The following ATP8A2 variants were observed in gnomAD, a reference collection of about 807,000 sequenced individuals.
ATP8A2 encodes ATPase phospholipid transporting 8A2.
In ATP8A2, 100 loss-of-function variants were observed where a neutral mutation model predicts 165.6. The ratio of observed to expected loss-of-function variants is 0.60; its 90% CI spans 0.51 to 0.71. The LOEUF (loss-of-function observed/expected upper bound fraction) is 0.71, where lower values mean the gene tolerates loss of function less well. Ranked by LOEUF, ATP8A2 falls within the 30% of genes least tolerant of loss-of-function variation. The probability of loss-of-function intolerance (pLI) is 0.00; values close to 1 mark genes in which losing one functional copy is unlikely to be tolerated. For missense variants in ATP8A2, 1,227 were observed against 1,479.5 expected, an observed-to-expected ratio of 0.83 and a Z score of 2.80; for synonymous variants, 543 against 548.8, an observed-to-expected ratio of 0.99 and a Z score of 0.15.
chr13:25,850,671 G>A (rs1315731798), intron 30 of ATP8A2, among the ~76,000 whole-genome samples: 3 of 152,122 alleles, frequency 2.0e-5, no homozygotes, highest in Non-Finnish European at 2.9e-5. Context: ...GTGAAAACAG[G>A]AAAGACTCTC....
chr13:25,690,010 G>GCAA lies in ATP8A2; in HGVS notation c.2212-9162_2212-9160dup, dbSNP rs542455434. ...CAGTATTCAAGAATCTGTTTGTTTA[G>GCAA]CAAATAAAAGGATTCCTGGTACTAA... is the stretch of plus-strand genomic sequence containing the variant. On this transcript the variant is annotated intron_variant, in intron 24 of 36. Coordinates refer to ENST00000381655, the MANE Select transcript of ATP8A2 (RefSeq NM_016529.6). Among the ~76,000 whole-genome samples, 22 of 152,162 alleles carry GCAA rather than the reference G, an allele frequency of 1.4e-4. No homozygotes were observed. In the South Asian group the frequency reaches 4.6e-3, roughly 32 times the overall value.
Position 25,561,977 on chromosome 13 carries a change from T to C in ATP8A2, c.1398-1979T>C, listed in dbSNP as rs542927821. 6.6e-5 allele frequency among the ~76,000 whole-genome samples: 10 copies of C among 152,356 alleles called. No homozygotes were observed. In the South Asian group the frequency reaches 2.1e-3, roughly 32 times the overall value. On this transcript the variant is annotated intron_variant, in intron 15 of 36. Coordinates refer to ENST00000381655, the MANE Select transcript of ATP8A2 (RefSeq NM_016529.6). ...TCTCCCTTTGGAAGGCTGAGTAATA[T>C]GCGATTGCATGTATATGCCACATTT...
chr13:25,578,240 A>G (rs1296947507), intron 20 of ATP8A2, among the ~76,000 whole-genome samples: 1 of 152,236 alleles, frequency 6.6e-6, no homozygotes. Context: ...TTTTTGTAAT[A>G]GCCTAAAACT....
At chr13:25,627,345 G>A (rs1384812905) in intron 24 of ATP8A2, among the ~76,000 whole-genome samples, 2 of 152,096 alleles carry the variant, frequency 1.3e-5, no homozygotes, top group African/African-American at 4.8e-5. Context: ...GATTATTCTA[G>A]ATGCAATGTG....
intron 36 of ATP8A2, among the ~76,000 whole-genome samples, chr13:26,012,945 A>G (rs919733804): frequency 2.0e-5 from 3 of 152,148 alleles, no homozygotes; most frequent in Non-Finnish European, 4.4e-5. Flanking sequence ...TAAAGATAGC[A>G]ATATGAACTG....
intron 27 of ATP8A2, among the ~76,000 whole-genome samples, chr13:25,788,076 G>A (rs3920613): frequency 0.15 from 23,202 of 152,094 alleles, 1,986 homozygotes; most frequent in Admixed American, 0.23. Context: ...GTGAGGCCCC[G>A]CACCCAGGCC....
At chr13:25,895,038 C>T (rs1370978562) in intron 33 of ATP8A2, among the ~76,000 whole-genome samples, 1 of 152,178 alleles carries the variant, frequency 6.6e-6, no homozygotes, top group Non-Finnish European at 1.5e-5. Context: ...CCTTCTCCTG[C>T]CTGATTGCCC....
intron 33 of ATP8A2, among the ~76,000 whole-genome samples, chr13:25,939,555 G>A (rs890576639): frequency 1.1e-4 from 16 of 151,908 alleles, no homozygotes; most frequent in African/African-American, 3.6e-4. Flanking sequence ...CCTGACTTTC[G>A]CCATATTGGG....
intron 16 of ATP8A2, among the ~76,000 whole-genome samples, chr13:25,565,207 A>G (rs554455721): frequency 6.6e-6 from 1 of 151,768 alleles, no homozygotes; most frequent in East Asian, 1.9e-4. Flanking sequence ...TGCTATAAAC[A>G]TGTGTGTGCA....
chr13:25,839,556 G>A lies in ATP8A2; in HGVS notation c.2888G>A (p.Gly963Asp). The A allele has an allele frequency of 6.2e-7, 1 of 1,614,000 alleles. No individual in the cohort carries two copies. Among genetic ancestry groups the A allele is most frequent in the Non-Finnish European group, 8.5e-7 (1 of 1,179,902 alleles). ...GEGFNTKVFW[G>D]HCINALVHSL... ...TTTGTTTTTCCTTAGGTTTTCTGGG[G>A]TCACTGCATCAACGCCTTGGTCCAC... The change falls in exon 30 of 37, where the codon GGT becomes GAT. Residue 963 changes from glycine to aspartate, a missense_variant. This residue lies in a region of ATP8A2 where 260 missense variants were observed against 245.1 expected (regional missense o/e 1.06). Coordinates refer to ENST00000381655, the MANE Select transcript of ATP8A2 (RefSeq NM_016529.6).
intron 27 of ATP8A2, among the ~76,000 whole-genome samples, chr13:25,785,034 A>G (rs1245917596): frequency 6.7e-6 from 1 of 149,100 alleles, no homozygotes; most frequent in Non-Finnish European, 1.5e-5. Context: ...AAGTGCCGGG[A>G]TTACAGGCAT....
At chr13:25,465,731 CTTTCTTTCCCTCCCTCCCTCTCTCTCTCT>C in intron 1 of ATP8A2, among the ~76,000 whole-genome samples, 1 of 68,068 alleles carries the variant, frequency 1.5e-5, no homozygotes, top group Non-Finnish European at 2.6e-5. Flanking sequence ...TTCTTTCTTT[CTTTCTTTCCCTCCCTCCCTCTCTCTCTCT>C]CTTTCTCTCT....
At position 25,719,459 on chromosome 13, in the gene ATP8A2, GTGGATGGGTGGATGGA is replaced by G. The variant is rs1458310284; in HGVS notation, c.2384+20122_2384+20137del. Reference sequence around the variant, plus strand: ...GGTGGATGGGTGGATGGGTGGATGGGTGGATGGGTGGATGGATGGATGGATGGATGGATGGATGATG... The same window carrying G: ...GGTGGATGGGTGGATGGGTGGATGGGTGGATGGATGGATGGATGGATGATG... On this transcript the variant is annotated intron_variant, in intron 25 of 36. Coordinates refer to ENST00000381655, the MANE Select transcript of ATP8A2 (RefSeq NM_016529.6). Among the ~76,000 whole-genome samples, 3 of 151,610 alleles carry G rather than the reference GTGGATGGGTGGATGGA, an allele frequency of 2.0e-5. No homozygotes were observed. The East Asian group carries it at 5.8e-4, about 29-fold the overall frequency.
Position 25,656,844 on chromosome 13 carries a change from G to A in ATP8A2, c.2212-42329G>A, listed in dbSNP as rs535619076. On this transcript the variant is annotated intron_variant, in intron 24 of 36. Transcript: ENST00000381655. The stretch of plus-strand genomic sequence containing the variant: ...GAGGTGGGTGGATCACTTGAGGCCA[G>A]GAGTTCAAAACTAGCCTGGGTAACA... 7.9e-5 allele frequency among the ~76,000 whole-genome samples: 12 copies of A among 151,660 alleles called. No homozygotes were observed. The East Asian group carries it at 2.4e-3, about 30-fold the overall frequency.
At position 25,540,651 on chromosome 13, in the gene ATP8A2, A is replaced by G. The variant is rs531484201; in HGVS notation, c.651+263A>G. ...GTTCTCTGCCTGTGATGCTGGAGAG[A>G]GGGGACATCTCGATGAAGCTGAGTG... On this transcript the variant is annotated intron_variant, in intron 8 of 36. Transcript: ENST00000381655. Among the ~76,000 whole-genome samples the G allele has an allele frequency of 1.1e-3, 170 of 152,174 alleles. 2 individuals are homozygous for G. Among genetic ancestry groups the G allele is most frequent in the South Asian group, 9.3e-3 (45 of 4,814 alleles).
At chr13:26,018,188 A>G (rs963417272) in intron 36 of ATP8A2, among the ~76,000 whole-genome samples, 2 of 152,154 alleles carry the variant, frequency 1.3e-5, no homozygotes, top group African/African-American at 4.8e-5. Context: ...AGCCTTTGGG[A>G]TTCTCAGGCA....
At chr13:25,616,915 G>A (rs1192854350) in intron 24 of ATP8A2, among the ~76,000 whole-genome samples, 1 of 152,122 alleles carries the variant, frequency 6.6e-6, no homozygotes, top group Non-Finnish European at 1.5e-5. Context: ...GCTGCTGCCA[G>A]AGCCTCCAGC....
At position 25,372,871 on chromosome 13, in the gene ATP8A2, A is replaced by G. The variant is rs1429616041; in HGVS notation, c.76+583A>G. ...CATCTGGAGACGAACACACACACGCACACGCGCGCGCACACACACACACAG... is the reference window on the plus strand; with the variant it reads ...CATCTGGAGACGAACACACACACGCGCACGCGCGCGCACACACACACACAG... On this transcript the variant is annotated intron_variant, in intron 1 of 36. Transcript: ENST00000381655. The surrounding 1 kb of genome is among the most constrained non-coding windows in gnomAD (Gnocchi z 4.8). Among the ~76,000 whole-genome samples the G allele has an allele frequency of 6.6e-6, 1 of 152,016 alleles. No homozygotes were observed. Among genetic ancestry groups the G allele is most frequent in the African/African-American group, 2.4e-5 (1 of 41,414 alleles).
intron 24 of ATP8A2, among the ~76,000 whole-genome samples, chr13:25,628,286 A>G (rs1336537758): frequency 6.6e-6 from 1 of 152,132 alleles, no homozygotes; most frequent in Non-Finnish European, 1.5e-5. Flanking sequence ...TCTGGGAGCC[A>G]TTCATTCTCT....
Sources: allele counts gnomAD v4.1 joint callset (sites outside exome capture counted in the v4.1 genomes callset), GRCh38; gene constraint gnomAD v4.1.1; regional missense constraint gnomAD v4.1.1; non-coding constraint Gnocchi (gnomAD v3.1); transcripts MANE v1.5; gene names NCBI Gene and HGNC (gene_info 2026-07-23, HGNC 2026-07-21).